The following TPST2 variants were observed in gnomAD, a reference collection of about 807,000 sequenced individuals.
TPST2 encodes protein-tyrosine sulfotransferase 2.
TPST2 carries 16 observed loss-of-function variants against 27.8 expected under a neutral mutation model. The observed-to-expected ratio is 0.58, with a 90% CI of 0.39 to 0.88. The LOEUF (loss-of-function observed/expected upper bound fraction) is 0.88. Ranked by LOEUF, TPST2 falls within the 40% of genes least tolerant of loss-of-function variation. TPST2 has a pLI of 0.00. For synonymous variants in TPST2, 229 were observed against 231.7 expected (o/e 0.99, Z 0.10); for missense variants, 464 against 543.1 (o/e 0.85, Z 1.45).
chr22:26,552,136 T>G (rs546611327), intron 1 of TPST2, among the ~76,000 whole-genome samples: 1 of 152,246 alleles, frequency 6.6e-6, no homozygotes, highest in Non-Finnish European at 1.5e-5. Context: ...CCTAGGCCTC[T>G]CAAAGTGCTG....
At chr22:26,571,665 G>A (rs1927629703) in intron 1 of TPST2, among the ~76,000 whole-genome samples, 1 of 152,100 alleles carries the variant, frequency 6.6e-6, no homozygotes, top group African/African-American at 2.4e-5. Context: ...TTCTCCACTA[G>A]TCTGTCACTT....
At chr22:26,564,391 C>T (rs1927282048) in intron 1 of TPST2, among the ~76,000 whole-genome samples, 1 of 152,206 alleles carries the variant, frequency 6.6e-6, no homozygotes, top group African/African-American at 2.4e-5. Flanking sequence ...CTGCTATGCC[C>T]CTTCATGTCC....
chr22:26,580,017 G>C (rs1356382131), intron 1 of TPST2, among the ~76,000 whole-genome samples: 1 of 152,118 alleles, frequency 6.6e-6, no homozygotes, highest in Non-Finnish European at 1.5e-5. Context: ...GGCTGAGGCA[G>C]GTGGATTGCT....
chr22:26,580,590 T>A (rs1308525175), intron 1 of TPST2, among the ~76,000 whole-genome samples: 4 of 152,210 alleles, frequency 2.6e-5, no homozygotes, highest in African/African-American at 9.6e-5. Flanking sequence ...CCAATATTTT[T>A]AAAACATATT....
chr22:26,534,608 G>A (rs546176797), intron 4 of TPST2, among the ~76,000 whole-genome samples: 156 of 152,342 alleles, frequency 1.0e-3, no homozygotes, highest in Non-Finnish European at 1.3e-3. Context: ...AGACCCCAGA[G>A]GAGCCACTGC....
At position 26,579,016 on chromosome 22, in the gene TPST2, G is replaced by A. The variant is rs969992453; in HGVS notation, c.-161+11037C>T. ...AAAGCATGCACCACCATGCCCGGCT[G>A]ATTTTTGTACTTTTTTGTAGAGACA... On this transcript the variant is annotated intron_variant, in intron 1 of 6. Transcript: ENST00000338754. 2.6e-5 allele frequency among the ~76,000 whole-genome samples: 4 copies of A among 152,038 alleles called. No individual in the cohort carries two copies. In the South Asian group the frequency reaches 8.3e-4, roughly 32 times the overall value.
At chr22:26,554,483 C>T (rs144596297) in intron 1 of TPST2, among the ~76,000 whole-genome samples, 1 of 152,336 alleles carries the variant, frequency 6.6e-6, no homozygotes, top group East Asian at 1.9e-4. Context: ...TGTCCAGAAG[C>T]TGTCAGAGGT....
Position 26,560,750 on chromosome 22 carries a change from G to T in TPST2, c.-160-16075C>A, listed in dbSNP as rs541784279. 59 of 1,175,814 alleles carry T rather than the reference G, an allele frequency of 5.0e-5. 1 individual carries two copies. The South Asian group carries it at 7.1e-4, about 14-fold the overall frequency. The allele number at this position is 1,175,814 out of a possible 1,614,324, so 72.8% of individuals were successfully genotyped here. On this transcript the variant is annotated intron_variant, in intron 1 of 6. Transcript: ENST00000338754. ...ACAAGGCCCATTACGAAAGAGAAAT[G>T]AAAACCTATATCCCTCCCAAAGGGG...
At chr22:26,576,586 T>C (rs1251062316) in intron 1 of TPST2, among the ~76,000 whole-genome samples, 1 of 151,958 alleles carries the variant, frequency 6.6e-6, no homozygotes, top group Non-Finnish European at 1.5e-5. Context: ...ACTGGAAATT[T>C]GGAGAATGGC....
chr22:26,531,366 G>A (rs1183911169), intron 5 of TPST2, among the ~76,000 whole-genome samples: 1 of 152,146 alleles, frequency 6.6e-6, no homozygotes, highest in Non-Finnish European at 1.5e-5. Flanking sequence ...CAAAAGATAG[G>A]AAAATATTAA....
chr22:26,527,803 C>T (rs1232913320), intron 6 of TPST2, among the ~76,000 whole-genome samples: 1 of 152,180 alleles, frequency 6.6e-6, no homozygotes, highest in African/African-American at 2.4e-5. Flanking sequence ...AACAGAACGA[C>T]TTGTGACTGT....
chr22:26,588,275 A>G (rs1928419532), intron 1 of TPST2, among the ~76,000 whole-genome samples: 1 of 152,188 alleles, frequency 6.6e-6, no homozygotes. Flanking sequence ...TGAAGTGAAA[A>G]GCATCAGATA....
intron 1 of TPST2, chr22:26,561,163 T>C (rs1927070750): frequency 5.0e-6 from 8 of 1,600,672 alleles, no homozygotes; most frequent in Non-Finnish European, 6.8e-6. Context: ...GATGAATAAG[T>C]TGGTTCTAGC....
At chr22:26,546,981 T>G (rs1324676393) in intron 1 of TPST2, among the ~76,000 whole-genome samples, 1 of 152,236 alleles carries the variant, frequency 6.6e-6, no homozygotes, top group Non-Finnish European at 1.5e-5. Context: ...TATAGAAATT[T>G]GCTGACCTCT....
chr22:26,528,762 C>G (rs981475371), intron 5 of TPST2, among the ~76,000 whole-genome samples: 2 of 152,112 alleles, frequency 1.3e-5, no homozygotes, highest in Non-Finnish European at 2.9e-5. Context: ...GAGGGTGGAT[C>G]ACCTGAGGTC....
At chr22:26,585,580 C>CGG (rs1928310228) in intron 1 of TPST2, among the ~76,000 whole-genome samples, 1 of 152,144 alleles carries the variant, frequency 6.6e-6, no homozygotes, top group Non-Finnish European at 1.5e-5. Flanking sequence ...GGCAGCAAGT[C>CGG]GGGGAGCAGG....
Position 26,541,315 on chromosome 22 carries a change from C to G in TPST2, c.316G>C (p.Val106Leu), listed in dbSNP as rs1294586796. The change falls in exon 3 of 7, where the codon GTG (valine) becomes CTG (leucine). Residue 106 changes from valine to leucine, a missense_variant. By Grantham distance (32) the Val-to-Leu change is conservative (BLOSUM62 1). Coordinates refer to ENST00000338754, the MANE Select transcript of TPST2 (RefSeq NM_003595.5). The surrounding 1 kb of genome is among the most constrained non-coding windows in gnomAD (Gnocchi z 5.9). The part of the protein sequence containing the change: ...CGEETRIIPR[V>L]LAMRQAWSKS... ...GACCAGGCCTGGCGCATGGCCAGCA[C>G]GCGCGGGATGATGCGGGTCTCCTCG... 2 of 1,544,444 alleles carry G rather than the reference C, an allele frequency of 1.3e-6. No homozygotes were observed. The highest frequency in any genetic ancestry group is 2.7e-5 in the African/African-American group (2 of 73,252).
rs781226195 is a variant in TPST2, at chr22:26,541,614, C to T, written c.17G>A (p.Arg6Gln). Residue 6 changes from arginine (R) to glutamine (Q), a missense_variant, in exon 3 of 7, where the codon CGG becomes CAG. Coordinates refer to ENST00000338754, the MANE Select transcript of TPST2 (RefSeq NM_003595.5). This position sits in a 1 kb window ranked among gnomAD's most constrained non-coding sequence, Gnocchi z 5.9. MRLSV[R>Q]RVLLAAGCAL... ...GCAGCCGGCTGCCAGCAGCACCCTC[C>T]GCACCGACAGGCGCATGCTGGGCCG... The T allele has an allele frequency of 1.1e-5, 17 of 1,584,588 alleles. No homozygotes were observed. The highest frequency in any genetic ancestry group is 2.3e-5 in the East Asian group (1 of 43,648).
At chr22:26,529,220 G>A (rs1925016155) in intron 5 of TPST2, among the ~76,000 whole-genome samples, 1 of 152,060 alleles carries the variant, frequency 6.6e-6, no homozygotes, top group Non-Finnish European at 1.5e-5. Context: ...TCCGCGTCCT[G>A]AGCTCAAGCA....
Sources: gnomAD v4.1 joint callset for allele counts (sites outside exome capture counted in the v4.1 genomes callset) on GRCh38, gnomAD v4.1.1 for gene constraint, Gnocchi (gnomAD v3.1) non-coding constraint, MANE v1.5 for transcripts, NCBI Gene and HGNC (gene_info 2026-07-23, HGNC 2026-07-21) for gene names.